The following WWOX variants were observed in gnomAD, a reference collection of about 807,000 sequenced individuals.
WWOX encodes WW domain containing oxidoreductase.
In WWOX, 69 loss-of-function variants were observed where a neutral mutation model predicts 46.2. The observed-to-expected ratio is 1.49, with a 90% confidence interval of 1.23 to 1.82. The LOEUF is 1.82. Among genes scored for constraint, WWOX ranks in the 40% most tolerant of loss-of-function variants. The pLI is 0.00. For missense variants in WWOX, 919 were observed against 542.6 expected (o/e 1.69, Z -6.89); for synonymous variants, 359 against 202.6 (o/e 1.77, Z -6.56).
chr16:78,914,854 G>A lies in WWOX; in HGVS notation c.1057-296754G>A, dbSNP rs187626739. ...GGATCGCGCCACTGCACTCCCGCCC[G>A]GGTGACAGAGCGAGACTCCGCCTCA... On this transcript the variant is annotated intron_variant, in intron 8 of 8. Transcript: ENST00000566780. Among the ~76,000 whole-genome samples the A allele has an allele frequency of 2.7e-3, 392 of 146,316 alleles. 4 individuals are homozygous for A. Among genetic ancestry groups the A allele is most frequent in the African/African-American group, 9.4e-3 (366 of 39,022 alleles).
intron 8 of WWOX, among the ~76,000 whole-genome samples, chr16:79,141,241 G>T (rs550463888): frequency 3.9e-5 from 6 of 152,262 alleles, no homozygotes; most frequent in African/African-American, 1.4e-4. Context: ...CTCATTTCAA[G>T]TCTTCCTACC....
At position 78,409,008 on chromosome 16, in the gene WWOX, C is replaced by T. The variant is rs150902209; in HGVS notation, c.606-15862C>T. Among the ~76,000 whole-genome samples the T allele has an allele frequency of 3.9e-5, 6 of 152,266 alleles. No individual in the cohort carries two copies. The East Asian group carries it at 9.7e-4, about 24-fold the overall frequency. On this transcript the variant is annotated intron_variant, in intron 6 of 8. Transcript: ENST00000566780. ...GCTGTAGCTCAAGCATCTTACCTAC[C>T]TCTGATTTCTTAATGCCACGTTATA...
intron 8 of WWOX, among the ~76,000 whole-genome samples, 169 bp downstream of exon 8, chr16:78,432,921 T>G (rs1268312834): frequency 6.6e-6 from 1 of 152,212 alleles, no homozygotes; most frequent in Non-Finnish European, 1.5e-5. Flanking sequence ...TTAGGTTAAG[T>G]CTGTTTGGGT....
intron 5 of WWOX, among the ~76,000 whole-genome samples, chr16:78,367,799 C>G (rs568852394): frequency 5.6e-4 from 85 of 152,096 alleles, no homozygotes; most frequent in African/African-American, 1.9e-3. Context: ...GCTCTGTCAC[C>G]AGGCTGGAGT....
intron 8 of WWOX, among the ~76,000 whole-genome samples, chr16:79,170,331 TC>T (rs2050676429): frequency 6.6e-6 from 1 of 152,078 alleles, no homozygotes; most frequent in Non-Finnish European, 1.5e-5. Flanking sequence ...CTATGCAAGG[TC>T]CCCCAGCTAG....
intron 8 of WWOX, among the ~76,000 whole-genome samples, chr16:78,710,808 T>G (rs911790679): frequency 6.6e-6 from 1 of 151,520 alleles, no homozygotes; most frequent in African/African-American, 2.4e-5. Context: ...AGAGATAGGA[T>G]CTCTCCCTTT....
At chr16:78,749,288 C>T (rs577978068) in intron 8 of WWOX, among the ~76,000 whole-genome samples, 1 of 152,098 alleles carries the variant, frequency 6.6e-6, no homozygotes, top group African/African-American at 2.4e-5. Context: ...GAGAGAAGTT[C>T]AATCCTCTTC....
intron 5 of WWOX, among the ~76,000 whole-genome samples, chr16:78,368,521 C>G (rs1372075780): frequency 1.3e-5 from 2 of 152,174 alleles, no homozygotes; most frequent in Admixed American, 6.5e-5. Context: ...GCGCTAGAAG[C>G]TCTTCCCATA....
chr16:78,437,571 C>G (rs551199093), intron 8 of WWOX, among the ~76,000 whole-genome samples: 42 of 150,992 alleles, frequency 2.8e-4, no homozygotes, highest in Non-Finnish European at 5.9e-4. Context: ...GTCTCTGCCT[C>G]CCTCTTCTTC....
intron 8 of WWOX, among the ~76,000 whole-genome samples, chr16:79,037,707 G>A (rs1181061183): frequency 1.3e-5 from 2 of 152,166 alleles, no homozygotes. Flanking sequence ...CGCAAGCCAG[G>A]TAAATATGTC....
intron 8 of WWOX, among the ~76,000 whole-genome samples, chr16:78,527,738 C>G (rs570692552): frequency 4.5e-4 from 10 of 22,442 alleles, no homozygotes; most frequent in African/African-American, 7.8e-4. Flanking sequence ...GGTTCTTGAT[C>G]AGGAGTGATA....
intron 8 of WWOX, among the ~76,000 whole-genome samples, chr16:79,027,111 C>G (rs1038267614): frequency 8.6e-5 from 13 of 151,276 alleles, no homozygotes; most frequent in Non-Finnish European, 1.9e-4. Context: ...GAGACCCCAT[C>G]TCTACAAAAA....
At chr16:78,583,094 A>T (rs1297035269) in intron 8 of WWOX, among the ~76,000 whole-genome samples, 1 of 152,162 alleles carries the variant, frequency 6.6e-6, no homozygotes, top group Non-Finnish European at 1.5e-5. Flanking sequence ...AGAAGATGGG[A>T]GTTAGGAGAA....
intron 8 of WWOX, among the ~76,000 whole-genome samples, chr16:78,982,076 A>G (rs2046693574): frequency 6.6e-6 from 1 of 151,816 alleles, no homozygotes; most frequent in African/African-American, 2.4e-5. Flanking sequence ...GATTTGGCCC[A>G]TCTGAGCCTC....
intron 8 of WWOX, among the ~76,000 whole-genome samples, chr16:78,963,119 C>T (rs902288613): frequency 6.6e-6 from 1 of 152,180 alleles, no homozygotes; most frequent in African/African-American, 2.4e-5. Flanking sequence ...CTATTTGCAT[C>T]TCTATCCATT....
intron 8 of WWOX, among the ~76,000 whole-genome samples, chr16:79,210,466 G>A (rs190246311): frequency 6.6e-5 from 10 of 152,214 alleles, no homozygotes; most frequent in East Asian, 5.8e-4. Flanking sequence ...GCTTTGGGTC[G>A]GGTCGGAAAG....
At chr16:78,937,739 C>G (rs1004644985) in intron 8 of WWOX, among the ~76,000 whole-genome samples, 4 of 151,966 alleles carry the variant, frequency 2.6e-5, no homozygotes, top group Non-Finnish European at 4.4e-5. Context: ...ATTCTCCTGC[C>G]TCAGCCTCCT....
intron 8 of WWOX, among the ~76,000 whole-genome samples, chr16:79,127,540 C>T (rs962580233): frequency 2.0e-5 from 3 of 152,310 alleles, no homozygotes; most frequent in Admixed American, 6.5e-5. Context: ...TGTTCCCAGC[C>T]TTTTGCTATT....
chr16:78,937,474 T>TTTTTTTA (rs1567661836), intron 8 of WWOX, among the ~76,000 whole-genome samples: 1 of 139,708 alleles, frequency 7.2e-6, no homozygotes, highest in Admixed American at 7.3e-5. Flanking sequence ...TTTTTTTTTT[T>TTTTTTTA]AATAGCGATG....
Sources: gnomAD v4.1 joint callset for allele counts (sites outside exome capture counted in the v4.1 genomes callset) on GRCh38, gnomAD v4.1.1 for gene constraint, MANE v1.5 for transcripts, NCBI Gene and HGNC (gene_info 2026-07-23, HGNC 2026-07-21) for gene names.